Variants in CIROZ observed in about 807,000 individuals in gnomAD.
CIROZ encodes ciliated left-right organizer ZP-N domains-containing protein.
chr1:10,977,902 G>A, the CIROZ span, among the ~76,000 whole-genome samples: 12 of 152,142 alleles, frequency 7.9e-5, no homozygotes, highest in South Asian at 2.5e-3. Context: ...AGGCGCTGTG[G>A]TTCACGCCTG....
the CIROZ span, among the ~76,000 whole-genome samples, chr1:10,974,813 G>A: frequency 3.9e-4 from 59 of 152,310 alleles, no homozygotes; most frequent in African/African-American, 1.3e-3. The surrounding 1 kb of genome is among the most constrained non-coding windows in gnomAD (Gnocchi z 4.4). Context: ...TTAACCATAA[G>A]TAACACAGCT....
At chr1:10,956,472 T>C in the CIROZ span, among the ~76,000 whole-genome samples, 1 of 150,620 alleles carries the variant, frequency 6.6e-6, no homozygotes, top group Non-Finnish European at 1.5e-5. Context: ...TAGTAGATGA[T>C]TTTACTTTTT....
the CIROZ span, among the ~76,000 whole-genome samples, chr1:10,978,654 G>A: frequency 7.2e-5 from 11 of 152,038 alleles, no homozygotes; most frequent in African/African-American, 2.7e-4. Flanking sequence ...AGGTTGCAAT[G>A]AGCAATGATT....
the CIROZ span, among the ~76,000 whole-genome samples, chr1:10,950,625 G>A: frequency 6.6e-6 from 1 of 152,156 alleles, no homozygotes; most frequent in African/African-American, 2.4e-5. Flanking sequence ...AGGCCCCCTG[G>A]CCTCCGCCCA....
chr1:10,956,763 C>T, the CIROZ span, among the ~76,000 whole-genome samples: 1 of 152,160 alleles, frequency 6.6e-6, no homozygotes, highest in African/African-American at 2.4e-5. Flanking sequence ...AGGCGTGAGC[C>T]ACCGCGCCCG....
chr1:10,971,364 G>A, the CIROZ span, among the ~76,000 whole-genome samples: 2 of 151,604 alleles, frequency 1.3e-5, no homozygotes, highest in Admixed American at 6.6e-5. Flanking sequence ...AAATGGAAAT[G>A]AGATCATGTC....
At chr1:10,947,560 C>T in the CIROZ span, 3 of 1,005,330 alleles carry the variant, frequency 3.0e-6, no homozygotes, top group South Asian at 6.0e-5. Context: ...GGAAAGACGG[C>T]CCCCAGCCCC....
the CIROZ span, among the ~76,000 whole-genome samples, chr1:10,965,125 C>G: frequency 6.6e-6 from 1 of 152,064 alleles, no homozygotes; most frequent in Non-Finnish European, 1.5e-5. Context: ...CCAGGCTGCC[C>G]TCATTCAGCC....
the CIROZ span, chr1:10,957,092 CA>C: frequency 1.9e-6 from 3 of 1,549,860 alleles, no homozygotes; most frequent in Non-Finnish European, 2.6e-6. Context: ...AGGAGCTCAG[CA>C]GAGGTGTTCA....
the CIROZ span, among the ~76,000 whole-genome samples, chr1:10,964,564 C>T: frequency 6.6e-6 from 1 of 152,216 alleles, no homozygotes; most frequent in South Asian, 2.1e-4. Context: ...CCTAATGTCC[C>T]TTGAGAGTTG....
At chr1:10,963,034 C>T in the CIROZ span, among the ~76,000 whole-genome samples, 2 of 152,044 alleles carry the variant, frequency 1.3e-5, no homozygotes, top group African/African-American at 2.4e-5. Flanking sequence ...GTGGGAGGAT[C>T]CCTTAAGCTC....
chr1:10,966,160 A>G, the CIROZ span, among the ~76,000 whole-genome samples: 2 of 152,170 alleles, frequency 1.3e-5, no homozygotes. Flanking sequence ...GACTGCCTGG[A>G]GGAGGCAGCA....
the CIROZ span, chr1:10,948,390 C>T: frequency 1.2e-6 from 2 of 1,613,042 alleles, no homozygotes; most frequent in Non-Finnish European, 8.5e-7. Flanking sequence ...ACTGGCTTGG[C>T]CGGGCTCCCC....
At chr1:10,965,074 G>A in the CIROZ span, among the ~76,000 whole-genome samples, 3 of 152,114 alleles carry the variant, frequency 2.0e-5, no homozygotes, top group South Asian at 2.1e-4. Flanking sequence ...GGTACAAGGC[G>A]GACTTCAAAG....
chr1:10,972,822 C>T, the CIROZ span, among the ~76,000 whole-genome samples: 4 of 152,062 alleles, frequency 2.6e-5, no homozygotes, highest in Non-Finnish European at 5.9e-5. Flanking sequence ...TGTGGTGGCT[C>T]ATGCCTGTAA....
the CIROZ span, among the ~76,000 whole-genome samples, chr1:10,975,917 G>A: frequency 5.9e-5 from 9 of 151,986 alleles, no homozygotes; most frequent in Admixed American, 4.6e-4. Context: ...AACAAGCACC[G>A]AGCTCTGAGT....
At chr1:10,977,377 G>A in the CIROZ span, among the ~76,000 whole-genome samples, 48,072 of 146,106 alleles carry the variant, frequency 0.33, 8,909 homozygotes, top group African/African-American at 0.59. Flanking sequence ...CAGCTACTCG[G>A]GAGGCTGAGA....
the CIROZ span, among the ~76,000 whole-genome samples, chr1:10,959,964 G>A: frequency 6.6e-6 from 1 of 152,202 alleles, no homozygotes; most frequent in Admixed American, 6.5e-5. This position sits in a 1 kb window ranked among gnomAD's most constrained non-coding sequence, Gnocchi z 4.3. Context: ...GGAGGATGCG[G>A]CAATTCCTCA....
chr1:10,970,345 A>G, the CIROZ span, among the ~76,000 whole-genome samples: 4 of 151,808 alleles, frequency 2.6e-5, no homozygotes, highest in Non-Finnish European at 5.9e-5. Flanking sequence ...TCCAGCCTGC[A>G]GGCTGGGCAC....
Sources: allele counts gnomAD v4.1 joint callset (sites outside exome capture counted in the v4.1 genomes callset), GRCh38; gene constraint gnomAD v4.1.1; non-coding constraint Gnocchi (gnomAD v3.1); transcripts MANE v1.5; gene names NCBI Gene and HGNC (gene_info 2026-07-23, HGNC 2026-07-21).